Variants in ASH1L observed in about 807,000 individuals in gnomAD.
ASH1L encodes ASH1 like histone lysine methyltransferase.
In ASH1L, 23 loss-of-function variants were observed where a neutral mutation model predicts 269.0. The observed-to-expected ratio is 0.09, with a 90% CI of 0.06 to 0.12. The LOEUF is 0.12. ASH1L is among the 10% of genes least tolerant of loss of function. The probability of loss-of-function intolerance (pLI) is 1.00; values close to 1 mark genes in which losing one functional copy is unlikely to be tolerated. For missense variants in ASH1L, 2,912 were observed against 3,567.8 expected (o/e 0.82, Z 4.68); for synonymous variants, 1,187 against 1,253.5 (o/e 0.95, Z 1.12).
chr1:155,457,980 A>T (rs1352017987), intron 4 of ASH1L, among the ~76,000 whole-genome samples: 1 of 152,146 alleles, frequency 6.6e-6, no homozygotes, highest in Non-Finnish European at 1.5e-5. Flanking sequence ...ATTATACTTC[A>T]TCTTTTCTCC....
chr1:155,563,133 G>A (rs1345641319), upstream of ASH1L: 2 of 456,560 alleles, frequency 4.4e-6, no homozygotes, highest in African/African-American at 4.0e-5. Context: ...CTCCTCCGCC[G>A]GATCGCGGCG....
intron 5 of ASH1L, chr1:155,434,201 G>A: frequency 6.3e-7 from 1 of 1,595,872 alleles, no homozygotes; most frequent in Non-Finnish European, 8.5e-7. Flanking sequence ...CCCTTTCCCT[G>A]AGGGGGAAGC....
At chr1:155,538,858 T>C (rs1298028169) in intron 1 of ASH1L, among the ~76,000 whole-genome samples, 2 of 152,126 alleles carry the variant, frequency 1.3e-5, no homozygotes, top group East Asian at 3.9e-4. Context: ...TTAAGACTTT[T>C]AAGCTCCAGA....
chr1:155,518,840 T>TGGAG (rs376622557), intron 2 of ASH1L, among the ~76,000 whole-genome samples: 9 of 75,326 alleles, frequency 1.2e-4, no homozygotes, highest in Non-Finnish European at 2.0e-4. Context: ...AAGGAAGGAA[T>TGGAG]GGAGGGAGGG....
At chr1:155,496,860 G>A (rs1003834831) in intron 2 of ASH1L, among the ~76,000 whole-genome samples, 2 of 151,676 alleles carry the variant, frequency 1.3e-5, no homozygotes, top group African/African-American at 2.4e-5. Context: ...TGCCCAGGCT[G>A]GTCTCAAACT....
In ASH1L at chr1:155,336,944, T is replaced by C. The variant is rs1045911719; in HGVS notation, c.*716A>G. ...CTGGCTTTCTCATTAGAAAAAAATA[T>C]GTTTGACAGGTTATGAAGGGTAAAA... is the stretch of plus-strand genomic sequence containing the variant. On this transcript the variant is annotated 3_prime_UTR_variant, in exon 28 of 28. Coordinates refer to ENST00000392403, the MANE Select transcript of ASH1L (RefSeq NM_018489.3). The C allele has an allele frequency of 6.6e-6, 1 of 152,352 alleles. No individual in the cohort carries two copies. The highest frequency in any genetic ancestry group is 2.4e-5 in the African/African-American group (1 of 41,444). The allele number at this position is 152,352 out of a possible 1,614,324, so 9.4% of individuals were successfully genotyped here. A position where few individuals can be genotyped will look rare whatever the true frequency, so the allele number is the denominator to read the frequency against.
chr1:155,498,517 C>T (rs1445793471), intron 2 of ASH1L, among the ~76,000 whole-genome samples: 5 of 151,782 alleles, frequency 3.3e-5, no homozygotes, highest in African/African-American at 1.2e-4. Context: ...TCTCGGCTCA[C>T]CGCAACCTCT....
chr1:155,402,862 C>CTTTT (rs113884065), intron 6 of ASH1L, among the ~76,000 whole-genome samples: 4 of 135,978 alleles, frequency 2.9e-5, no homozygotes, highest in African/African-American at 1.1e-4. Context: ...CCAAGTTATA[C>CTTTT]TTTTTTTTTT....
intron 3 of ASH1L, among the ~76,000 whole-genome samples, chr1:155,466,077 G>T (rs988701075): frequency 1.3e-5 from 2 of 152,132 alleles, no homozygotes; most frequent in Admixed American, 1.3e-4. Flanking sequence ...TGTTTTGGCC[G>T]GGCGCTGTGG....
At chr1:155,433,097 G>C in intron 5 of ASH1L, 1 of 1,319,078 alleles carries the variant, frequency 7.6e-7, no homozygotes, top group Non-Finnish European at 1.0e-6. Flanking sequence ...CTATGACAGA[G>C]ATACCAAAAT....
chr1:155,345,992 C>T (rs1167769642), intron 21 of ASH1L: 4 of 388,294 alleles, frequency 1.0e-5, no homozygotes, highest in South Asian at 2.1e-5. Context: ...CCTCCATGCC[C>T]GGCTAATTTT....
Position 155,562,433 on chromosome 1 carries a change from C to T in ASH1L, c.-380G>A, listed in dbSNP as rs1558229612. On this transcript the variant is annotated 5_prime_UTR_variant, in exon 1 of 28. Coordinates refer to ENST00000392403, the MANE Select transcript of ASH1L (RefSeq NM_018489.3). ...CCCAAAATGGCGGCGGGAGCGGCGG[C>T]GGCGGCGGCGGCAGCAGCAGAGTGG... 1 of 1,468,992 alleles carries T rather than the reference C, an allele frequency of 6.8e-7. No individual in the cohort carries two copies. Among genetic ancestry groups the T allele is most frequent in the Non-Finnish European group, 9.2e-7 (1 of 1,083,912 alleles). 91.0% of individuals were successfully genotyped at this position (1,468,992 alleles called of 1,614,324 possible).
intron 6 of ASH1L, among the ~76,000 whole-genome samples, chr1:155,402,794 T>C (rs916178588): frequency 6.6e-6 from 1 of 151,314 alleles, no homozygotes. Flanking sequence ...CCTCAAGCAA[T>C]CCTCCTACCT....
At chr1:155,491,975 CT>C (rs1207490436) in intron 2 of ASH1L, among the ~76,000 whole-genome samples, 1 of 143,956 alleles carries the variant, frequency 6.9e-6, no homozygotes, top group Non-Finnish European at 1.5e-5. Flanking sequence ...ACCCAGCTCT[CT>C]TTTTTTCATT....
chr1:155,525,861 A>G (rs2148854560), intron 1 of ASH1L, among the ~76,000 whole-genome samples: 2 of 152,254 alleles, frequency 1.3e-5, no homozygotes, highest in Middle Eastern at 6.8e-3. Context: ...AGTCACTTAT[A>G]TAAAATGGTA....
Position 155,343,163 on chromosome 1 carries a change from C to T in ASH1L, c.8293+151G>A, listed in dbSNP as rs892080741. ...AGGCCTACACTGCCATGCCCAGCTACAGAGGCAGAGTTTTGCCACGTTGGC... is the reference window on the plus strand; with the variant it reads ...AGGCCTACACTGCCATGCCCAGCTATAGAGGCAGAGTTTTGCCACGTTGGC... On this transcript the variant is annotated intron_variant, in intron 24 of 27. Coordinates refer to ENST00000392403, the MANE Select transcript of ASH1L (RefSeq NM_018489.3). The surrounding 1 kb of genome is among the most constrained non-coding windows in gnomAD (Gnocchi z 6.1). The T allele has an allele frequency of 6.8e-6, 5 of 740,346 alleles. No homozygotes were observed. The highest frequency in any genetic ancestry group is 3.7e-5 in the South Asian group (2 of 53,582). 45.9% of individuals were successfully genotyped at this position (740,346 alleles called of 1,614,324 possible).
chr1:155,439,957 CT>C (rs537812212), intron 4 of ASH1L, among the ~76,000 whole-genome samples: 2,144 of 147,522 alleles, frequency 0.015, 21 homozygotes, highest in Non-Finnish European at 0.022. Flanking sequence ...ATTTTTAAGA[CT>C]TTTTTTTTTA....
intron 10 of ASH1L, 102 bp downstream of exon 10, chr1:155,378,179 C>T: frequency 1.2e-6 from 1 of 839,894 alleles, no homozygotes; most frequent in Non-Finnish European, 1.9e-6. Context: ...TGTGCAACTT[C>T]TTGAAAAAAA....
At chr1:155,489,671 T>C (rs979721124) in intron 2 of ASH1L, among the ~76,000 whole-genome samples, 8 of 151,708 alleles carry the variant, frequency 5.3e-5, no homozygotes, top group African/African-American at 1.7e-4. Context: ...GGCAGGAGAA[T>C]GGTGTGAACC....
Sources: gnomAD v4.1 joint callset for allele counts (sites outside exome capture counted in the v4.1 genomes callset) on GRCh38, gnomAD v4.1.1 for gene constraint, Gnocchi (gnomAD v3.1) non-coding constraint, MANE v1.5 for transcripts, NCBI Gene and HGNC (gene_info 2026-07-23, HGNC 2026-07-21) for gene names.